Variants in EDIL3 observed in about 807,000 individuals in gnomAD.
EDIL3 encodes the protein EGF-like repeat and discoidin I-like domain-containing protein 3.
Under a neutral mutation model 67.4 loss-of-function variants are expected in EDIL3, and 37 were observed. That is an observed-to-expected ratio of 0.55 (90% confidence interval 0.42 to 0.72). The LOEUF (loss-of-function observed/expected upper bound fraction) is 0.72, where lower values mean the gene tolerates loss of function less well. Ranked by LOEUF, EDIL3 falls within the 30% of genes least tolerant of loss-of-function variation. The probability of loss-of-function intolerance (pLI) is 0.00; values close to 1 mark genes in which losing one functional copy is unlikely to be tolerated. For missense variants in EDIL3, 527 were observed against 586.3 expected, an observed-to-expected ratio of 0.90 and a Z score of 1.04; for synonymous variants, 195 against 196.3, an observed-to-expected ratio of 0.99 and a Z score of 0.05.
intron 5 of EDIL3, among the ~76,000 whole-genome samples, chr5:84,134,228 C>T (rs538893247): frequency 1.2e-3 from 186 of 152,208 alleles, no homozygotes; most frequent in Non-Finnish European, 2.0e-3. Flanking sequence ...TCAACAAAAA[C>T]ATCTTGCTTT....
At chr5:83,977,705 A>C (rs946675656) in intron 9 of EDIL3, among the ~76,000 whole-genome samples, 6 of 151,802 alleles carry the variant, frequency 4.0e-5, no homozygotes, top group Non-Finnish European at 7.4e-5. Flanking sequence ...ATGCATTGGC[A>C]TAAAGATGTT....
intron 1 of EDIL3, among the ~76,000 whole-genome samples, chr5:84,310,316 G>C (rs1013121667): frequency 1.3e-4 from 20 of 152,154 alleles, no homozygotes; most frequent in African/African-American, 4.8e-4. Context: ...CAAAGTGTGA[G>C]AGAAAATAAA....
At chr5:84,238,911 C>T (rs897809652) in intron 2 of EDIL3, among the ~76,000 whole-genome samples, 3 of 152,038 alleles carry the variant, frequency 2.0e-5, no homozygotes, top group Non-Finnish European at 2.9e-5. Context: ...GGTGGGCCCA[C>T]ACCACATTTT....
In EDIL3 at chr5:84,206,371, G is replaced by GA. The variant is rs1181259138; in HGVS notation, c.226+23483dup. ...TTTGGAATAGGTGTGGTGTGGTGCT[G>GA]AAAAAAATGTATATTCTGTTGATTT... On this transcript the variant is annotated intron_variant, in intron 3 of 10. Coordinates refer to ENST00000296591, the MANE Select transcript of EDIL3 (RefSeq NM_005711.5). 5.9e-5 allele frequency among the ~76,000 whole-genome samples: 9 copies of GA among 152,046 alleles called. No homozygotes were observed. The South Asian group carries it at 1.2e-3, about 21-fold the overall frequency.
intron 4 of EDIL3, among the ~76,000 whole-genome samples, chr5:84,148,241 T>C (rs1412265172): frequency 6.6e-6 from 1 of 152,176 alleles, no homozygotes; most frequent in African/African-American, 2.4e-5. Flanking sequence ...GAATTTCTGA[T>C]GAGGCTTTCT....
At chr5:84,023,017 T>C (rs551856825) in intron 9 of EDIL3, among the ~76,000 whole-genome samples, 2 of 151,982 alleles carry the variant, frequency 1.3e-5, no homozygotes, top group African/African-American at 2.4e-5. Context: ...ACCATAAATA[T>C]GTAAAATACT....
At chr5:84,236,011 T>C (rs1744674750) in intron 2 of EDIL3, among the ~76,000 whole-genome samples, 1 of 152,054 alleles carries the variant, frequency 6.6e-6, no homozygotes, top group African/African-American at 2.4e-5. Context: ...AAAATGTACT[T>C]TTAATGTTTA....
chr5:84,046,438 C>A (rs1474117391), intron 9 of EDIL3, among the ~76,000 whole-genome samples: 3 of 152,154 alleles, frequency 2.0e-5, no homozygotes, highest in Admixed American at 1.3e-4. Context: ...TGGTAAAAAT[C>A]ATCTCATAGG....
intron 9 of EDIL3, among the ~76,000 whole-genome samples, chr5:84,011,811 T>C (rs555262837): frequency 2.6e-5 from 4 of 152,298 alleles, no homozygotes; most frequent in Non-Finnish European, 5.9e-5. Context: ...ATTCAACAAG[T>C]CTTTAGAGAG....
chr5:84,111,628 C>G (rs1199235968), intron 5 of EDIL3, among the ~76,000 whole-genome samples: 10 of 151,880 alleles, frequency 6.6e-5, no homozygotes, highest in Non-Finnish European at 1.0e-4. Context: ...TAAACAAACA[C>G]TTAAACAAGA....
chr5:84,066,660 C>T, intron 6 of EDIL3, 54 bp from the exon 7 acceptor site: 1 of 1,560,372 alleles, frequency 6.4e-7, no homozygotes, highest in Non-Finnish European at 8.6e-7. Flanking sequence ...GATAACAATA[C>T]TGAAAATACG....
chr5:84,043,897 A>G, intron 9 of EDIL3, among the ~76,000 whole-genome samples: 1 of 151,992 alleles, frequency 6.6e-6, no homozygotes, highest in East Asian at 1.9e-4. Context: ...TTTTATTTTT[A>G]TTTTTTATTT....
intron 10 of EDIL3, among the ~76,000 whole-genome samples, chr5:83,961,225 A>G (rs1228088760): frequency 6.6e-6 from 1 of 151,082 alleles, no homozygotes; most frequent in African/African-American, 2.4e-5. Context: ...AAATACATCA[A>G]GCAAACACTG....
intron 9 of EDIL3, among the ~76,000 whole-genome samples, chr5:84,033,759 A>G (rs1745970322): frequency 6.6e-6 from 1 of 152,020 alleles, no homozygotes; most frequent in Admixed American, 6.6e-5. Flanking sequence ...AAAGAAATTC[A>G]AAGAATCTGG....
At chr5:84,138,493 C>T (rs1211205498) in intron 4 of EDIL3, among the ~76,000 whole-genome samples, 3 of 152,150 alleles carry the variant, frequency 2.0e-5, no homozygotes, top group African/African-American at 7.2e-5. Flanking sequence ...AATCTTAAAA[C>T]ATTTTATTCC....
chr5:84,039,074 G>A (rs1202890655), intron 9 of EDIL3, among the ~76,000 whole-genome samples: 2 of 151,128 alleles, frequency 1.3e-5, no homozygotes, highest in East Asian at 3.9e-4. Context: ...GTAGCTATGG[G>A]GATTAAGATT....
intron 9 of EDIL3, among the ~76,000 whole-genome samples, chr5:83,987,972 G>A (rs894246440): frequency 1.3e-5 from 2 of 151,512 alleles, no homozygotes; most frequent in Non-Finnish European, 2.9e-5. Context: ...AATGGAACCT[G>A]AGCTGAGGCA....
At chr5:84,372,485 A>G (rs920981478) in intron 1 of EDIL3, among the ~76,000 whole-genome samples, 4 of 152,132 alleles carry the variant, frequency 2.6e-5, no homozygotes, top group African/African-American at 9.7e-5. Flanking sequence ...GACATATTCG[A>G]CATTCCTAGT....
At chr5:84,113,700 C>T (rs1255544211) in intron 5 of EDIL3, among the ~76,000 whole-genome samples, 1 of 152,140 alleles carries the variant, frequency 6.6e-6, no homozygotes, top group East Asian at 1.9e-4. Flanking sequence ...CTGATTAAGC[C>T]TTTCAAATAA....
Sources: gnomAD v4.1 joint callset for allele counts (sites outside exome capture counted in the v4.1 genomes callset) on GRCh38, gnomAD v4.1.1 for gene constraint, MANE v1.5 for transcripts, NCBI Gene and HGNC (gene_info 2026-07-23, HGNC 2026-07-21) for gene names.